ATR: variants seen among roughly 807,000 people sequenced by gnomAD.
ATR encodes serine/threonine-protein kinase ATR.
ATR carries 142 observed loss-of-function variants against 305.3 expected under a neutral mutation model. The observed-to-expected ratio is 0.47, with a 90% CI of 0.41 to 0.53. The LOEUF is 0.53. Among genes scored for constraint, ATR ranks in the 20% least tolerant of loss-of-function variants. The pLI is 0.00. For missense variants in ATR, 2,135 were observed against 3,133.1 expected (o/e 0.68, Z 7.60); for synonymous variants, 1,050 against 1,068.1 (o/e 0.98, Z 0.33).
intron 13 of ATR, among the ~76,000 whole-genome samples, chr3:142,552,926 T>TG (rs2034527451): frequency 7.5e-6 from 1 of 132,672 alleles, no homozygotes; most frequent in African/African-American, 2.9e-5. Flanking sequence ...CATGGACACA[T>TG]GGGGGGAACA....
chr3:142,513,465 A>T, intron 26 of ATR, 36 bp downstream of exon 26: 1 of 1,608,614 alleles, frequency 6.2e-7, no homozygotes, highest in South Asian at 1.1e-5. Context: ...AGTAAGTTTC[A>T]CATGTTCAAA....
At position 142,550,750 on chromosome 3, in the gene ATR, T is replaced by C. The variant is rs76093955; in HGVS notation, c.2806-448A>G. Among the ~76,000 whole-genome samples, 1,450 of 152,250 alleles carry C rather than the reference T, an allele frequency of 9.5e-3. 28 individuals carry two copies. The highest frequency in any genetic ancestry group is 0.032 in the African/African-American group (1,334 of 41,556). ...TATAAAAATGGCAAGATTTCAGTTA[T>C]AGTAAATAAACTATAAACAAAATAC... On this transcript the variant is annotated intron_variant, in intron 13 of 46. Coordinates refer to ENST00000350721, the MANE Select transcript of ATR (RefSeq NM_001184.4).
intron 27 of ATR, among the ~76,000 whole-genome samples, chr3:142,511,849 C>T (rs914369450): frequency 1.3e-5 from 2 of 152,042 alleles, no homozygotes; most frequent in Admixed American, 6.6e-5. Context: ...TGCGGTGGCT[C>T]ATGCCTGTAA....
At chr3:142,495,416 C>G (rs1428579323) in intron 34 of ATR, among the ~76,000 whole-genome samples, 1 of 152,132 alleles carries the variant, frequency 6.6e-6, no homozygotes, top group African/African-American at 2.4e-5. Flanking sequence ...AAACTGGTGA[C>G]TAGCCTGAGG....
chr3:142,564,245 A>G (rs1032468588), intron 3 of ATR, among the ~76,000 whole-genome samples: 1 of 148,678 alleles, frequency 6.7e-6, no homozygotes, highest in Non-Finnish European at 1.5e-5. Flanking sequence ...ACTTTATTGC[A>G]ATATTCACTT....
rs2034799272 is a variant in ATR at position 142,559,420 on chromosome 3, T to C, written c.1563A>G (p.Gln521=). The C allele has an allele frequency of 2.5e-6, 4 of 1,613,782 alleles. No homozygotes were observed. In the East Asian group the frequency reaches 6.7e-5, roughly 27 times the overall value. The change falls in exon 7 of 47, where the codon CAA becomes CAG. Residue 521 remains glutamine, a synonymous_variant. Transcript: ENST00000350721. ...NMNCRTFKDC[Q]HKSKKKPSVV... ...CAGAAGGTTTCTTCTTGGATTTATG[T>C]TGACAGTCCTTGAAAGTACGGCTGC... is the stretch of plus-strand genomic sequence containing the variant.
At chr3:142,575,358 T>C (rs1288715916) in intron 1 of ATR, among the ~76,000 whole-genome samples, 3 of 151,348 alleles carry the variant, frequency 2.0e-5, no homozygotes, top group African/African-American at 7.3e-5. Flanking sequence ...TGCAAGCCTG[T>C]AGTCCCAGCT....
At chr3:142,473,049 G>A (rs2071332575) in intron 36 of ATR, among the ~76,000 whole-genome samples, 1 of 152,138 alleles carries the variant, frequency 6.6e-6, no homozygotes. Context: ...TCTATAGGTT[G>A]TCTTTTCACT....
intron 16 of ATR, among the ~76,000 whole-genome samples, chr3:142,544,553 A>T (rs2034195133): frequency 6.7e-6 from 1 of 148,986 alleles, no homozygotes; most frequent in Non-Finnish European, 1.5e-5. Flanking sequence ...CAAACTGAGA[A>T]TGTGACCAGT....
At chr3:142,535,618 T>C (rs924695168) in intron 20 of ATR, among the ~76,000 whole-genome samples, 1 of 152,176 alleles carries the variant, frequency 6.6e-6, no homozygotes, top group African/African-American at 2.4e-5. Flanking sequence ...AGAAGTTCTA[T>C]GAAATCACCA....
chr3:142,510,238 A>G (rs529976863), intron 27 of ATR, among the ~76,000 whole-genome samples: 3 of 152,230 alleles, frequency 2.0e-5, no homozygotes, highest in African/African-American at 7.2e-5. Flanking sequence ...GCTCACACCT[A>G]TAATTCCAAC....
In ATR at chr3:142,553,099, G is replaced by A. The variant is rs2034536401; in HGVS notation, c.2805+128C>T. The A allele has an allele frequency of 1.2e-5, 15 of 1,250,302 alleles. No individual in the cohort carries two copies. The South Asian group carries it at 1.4e-4, about 11-fold the overall frequency. 77.5% of individuals were successfully genotyped at this position (1,250,302 alleles called of 1,614,324 possible). ...CCTCTACATGCTGCAATATACCCCT[G>A]AACTTAAAATATAAATTGAAGAAAA... On this transcript the variant is annotated intron_variant, in intron 13 of 46. Coordinates refer to ENST00000350721, the MANE Select transcript of ATR (RefSeq NM_001184.4).
rs1049122433 is a variant in ATR, at chr3:142,466,129, G to C, written c.6897+195C>G. ...AAACGTTACGGTGAATGTGAATCAT[G>C]AATCAGAACTTTTTTTAATCACTGA... On this transcript the variant is annotated intron_variant, in intron 40 of 46. Coordinates refer to ENST00000350721, the MANE Select transcript of ATR (RefSeq NM_001184.4). Among the ~76,000 whole-genome samples, 29 of 152,074 alleles carry C rather than the reference G, an allele frequency of 1.9e-4. 1 individual carries two copies. Among genetic ancestry groups the C allele is most frequent in the Admixed American group, 1.2e-3 (19 of 15,276 alleles).
intron 2 of ATR, among the ~76,000 whole-genome samples, chr3:142,566,687 A>T (rs1408783720): frequency 6.6e-6 from 1 of 151,302 alleles, no homozygotes; most frequent in Non-Finnish European, 1.5e-5. Context: ...GGTGACCAGA[A>T]TTATATCCAG....
At chr3:142,571,170 T>C (rs912855060) in intron 1 of ATR, among the ~76,000 whole-genome samples, 7 of 152,018 alleles carry the variant, frequency 4.6e-5, no homozygotes, top group African/African-American at 1.7e-4. Flanking sequence ...AGGAATGCAC[T>C]TAAATAATCA....
intron 36 of ATR, among the ~76,000 whole-genome samples, chr3:142,482,809 G>T (rs1218750009): frequency 6.7e-6 from 1 of 150,184 alleles, no homozygotes; most frequent in South Asian, 2.1e-4. Flanking sequence ...TCCTGCCTCA[G>T]TGACAGAGTG....
At chr3:142,554,211 T>C (rs561421342) in intron 10 of ATR, among the ~76,000 whole-genome samples, 196 bp from the exon 11 acceptor site, 1 of 152,280 alleles carries the variant, frequency 6.6e-6, no homozygotes, top group Non-Finnish European at 1.5e-5. Context: ...AATTACTTTA[T>C]ATTTAATAAA....
chr3:142,528,050 G>A (rs1262620655), intron 21 of ATR, among the ~76,000 whole-genome samples: 1 of 152,184 alleles, frequency 6.6e-6, no homozygotes, highest in Admixed American at 6.5e-5. Flanking sequence ...GGAGCTGTGA[G>A]ACAATAAATT....
chr3:142,505,322 AAAC>A lies in ATR; in HGVS notation c.5032-22_5032-20del, dbSNP rs993876510. ...ACAATTTCTTTGTTCAATGATTAAA[AAAC>A]AATCAAAAACAAGAAAAAAACACAA... On this transcript the variant is annotated intron_variant, in intron 28 of 46. Coordinates refer to ENST00000350721, the MANE Select transcript of ATR (RefSeq NM_001184.4). 1 of 1,611,180 alleles carries A rather than the reference AAAC, an allele frequency of 6.2e-7. No homozygotes were observed. Among genetic ancestry groups the A allele is most frequent in the Non-Finnish European group, 8.5e-7 (1 of 1,178,844 alleles).
Sources: allele counts gnomAD v4.1 joint callset (sites outside exome capture counted in the v4.1 genomes callset), GRCh38; gene constraint gnomAD v4.1.1; transcripts MANE v1.5; gene names NCBI Gene and HGNC (gene_info 2026-07-23, HGNC 2026-07-21).